ADORA2B: variants seen among roughly 807,000 people sequenced by gnomAD.
The protein encoded by ADORA2B is adenosine receptor A2b.
A neutral mutation model predicts 20.8 loss-of-function variants in ADORA2B; 18 were observed. The observed-to-expected ratio is 0.87, with a 90% CI of 0.60 to 1.29. The LOEUF is 1.29. Among genes scored for constraint, ADORA2B ranks in the 50% most tolerant of loss-of-function variants. ADORA2B has a pLI of 0.00. For missense variants in ADORA2B, 441 were observed against 422.7 expected, an observed-to-expected ratio of 1.04 and a Z score of -0.38; for synonymous variants, 179 against 178.3, an observed-to-expected ratio of 1.00 and a Z score of -0.03.
chr17:15,867,038 C>T, the ADORA2B span, among the ~76,000 whole-genome samples: 43 of 152,362 alleles, frequency 2.8e-4, 1 homozygote, highest in Admixed American at 2.3e-3. Flanking sequence ...CCGCCAGCCT[C>T]GGCCTCCCGA....
the ADORA2B span, among the ~76,000 whole-genome samples, chr17:15,931,479 C>T: frequency 4.6e-5 from 7 of 152,302 alleles, no homozygotes; most frequent in Admixed American, 1.3e-4. Flanking sequence ...GCAGATCTGG[C>T]CCTGGGATGG....
chr17:15,853,849 A>G, the ADORA2B span, among the ~76,000 whole-genome samples: 1 of 152,222 alleles, frequency 6.6e-6, no homozygotes, highest in African/African-American at 2.4e-5. Flanking sequence ...TTGCAAGGAC[A>G]TTAAAAGACA....
At chr17:15,936,934 C>T in the ADORA2B span, among the ~76,000 whole-genome samples, 2 of 152,152 alleles carry the variant, frequency 1.3e-5, no homozygotes, top group African/African-American at 4.8e-5. Context: ...CCAGCCTGGA[C>T]AACAGAGTGA....
At chr17:15,875,761 T>G in the ADORA2B span, among the ~76,000 whole-genome samples, 1 of 152,204 alleles carries the variant, frequency 6.6e-6, no homozygotes, top group Non-Finnish European at 1.5e-5. Flanking sequence ...TTTTGTATTT[T>G]TAGTAGACGG....
chr17:15,887,951 CAAAAAAAAAAAAAAAAAAAAA>C, the ADORA2B span, among the ~76,000 whole-genome samples: 5 of 22,226 alleles, frequency 2.2e-4, no homozygotes, highest in Admixed American at 5.7e-4. Context: ...AAGACTCCAT[CAAAAAAAAAAAAAAAAAAAAA>C]AAAAAAAAAA....
the ADORA2B span, among the ~76,000 whole-genome samples, chr17:15,876,043 G>T: frequency 1.3e-5 from 2 of 152,288 alleles, no homozygotes; most frequent in East Asian, 3.9e-4. Context: ...CTGGTGCACA[G>T]ATTCCCTGTT....
chr17:15,866,700 TCTGCCGCTGCCG>T, the ADORA2B span, among the ~76,000 whole-genome samples: 1 of 123,238 alleles, frequency 8.1e-6, no homozygotes, highest in African/African-American at 3.0e-5. Flanking sequence ...TGCCTCTGCC[TCTGCCGCTGCCG>T]CTGCCTCTGC....
At chr17:15,926,751 G>A in the ADORA2B span, among the ~76,000 whole-genome samples, 221 of 151,890 alleles carry the variant, frequency 1.5e-3, 2 homozygotes, top group African/African-American at 5.2e-3. Context: ...TGGGAGGATC[G>A]CTTGAGCTCA....
At chr17:15,911,054 C>T in the ADORA2B span, among the ~76,000 whole-genome samples, 1 of 152,204 alleles carries the variant, frequency 6.6e-6, no homozygotes, top group African/African-American at 2.4e-5. Flanking sequence ...CTCCAATGCA[C>T]AGCTGCATGG....
chr17:15,894,380 A>G, the ADORA2B span, among the ~76,000 whole-genome samples: 1 of 152,198 alleles, frequency 6.6e-6, no homozygotes, highest in Non-Finnish European at 1.5e-5. Flanking sequence ...GTGATGTCAA[A>G]ATCGGTGTCA....
chr17:15,934,581 G>T, the ADORA2B span, among the ~76,000 whole-genome samples: 2 of 151,766 alleles, frequency 1.3e-5, no homozygotes, highest in Admixed American at 1.3e-4. Context: ...CTTCTTTTTT[G>T]TTAAATAGGT....
chr17:15,873,378 C>T, the ADORA2B span, among the ~76,000 whole-genome samples: 1 of 151,974 alleles, frequency 6.6e-6, no homozygotes, highest in Non-Finnish European at 1.5e-5. Flanking sequence ...GCAACAAAAA[C>T]AAAAATAAGT....
chr17:15,896,635 T>G, the ADORA2B span, among the ~76,000 whole-genome samples: 1 of 152,204 alleles, frequency 6.6e-6, no homozygotes, highest in East Asian at 1.9e-4. Context: ...TCAGGATTGG[T>G]TCACCACTCA....
intron 1 of ADORA2B, among the ~76,000 whole-genome samples, chr17:15,959,494 ATTTTTTTTTTTT>A (rs56097835): frequency 1.2e-4 from 9 of 75,934 alleles, no homozygotes; most frequent in East Asian, 1.2e-3. Context: ...TCACATTCTG[ATTTTTTTTTTTT>A]TTTTTTTTTT....
the ADORA2B span, among the ~76,000 whole-genome samples, chr17:15,907,983 A>G: frequency 1.3e-5 from 2 of 152,222 alleles, no homozygotes; most frequent in Non-Finnish European, 2.9e-5. Flanking sequence ...AGCCCACATA[A>G]TAGCACATGC....
the ADORA2B span, among the ~76,000 whole-genome samples, chr17:15,914,315 G>C: frequency 6.6e-6 from 1 of 152,150 alleles, no homozygotes; most frequent in Non-Finnish European, 1.5e-5. Flanking sequence ...TTCCACCTCA[G>C]CCTCCTAAGT....
At chr17:15,885,713 C>CA in the ADORA2B span, among the ~76,000 whole-genome samples, 51,435 of 128,282 alleles carry the variant, frequency 0.4, 9,075 homozygotes, top group South Asian at 0.47. Flanking sequence ...GACTCCGTAT[C>CA]AAAAAAAAAA....
the ADORA2B span, among the ~76,000 whole-genome samples, chr17:15,857,879 A>G: frequency 6.6e-6 from 1 of 151,798 alleles, no homozygotes; most frequent in African/African-American, 2.4e-5. Context: ...GACTTAGCAT[A>G]ATGTCTTCAA....
At chr17:15,960,511 G>A (rs1970021759) in intron 1 of ADORA2B, among the ~76,000 whole-genome samples, 2 of 5,068 alleles carry the variant, frequency 3.9e-4, no homozygotes, top group African/African-American at 4.8e-4. Context: ...CCGAGATCGC[G>A]CCACTGCACT....
Sources: gnomAD v4.1 joint callset for allele counts (sites outside exome capture counted in the v4.1 genomes callset) on GRCh38, gnomAD v4.1.1 for gene constraint, MANE v1.5 for transcripts, NCBI Gene and HGNC (gene_info 2026-07-23, HGNC 2026-07-21) for gene names.